The following CDKL1 variants were observed in gnomAD, a reference collection of about 807,000 sequenced individuals.
The protein encoded by CDKL1 is cyclin dependent kinase like 1, also known as cyclin-dependent kinase-like 1.
In CDKL1, 41 loss-of-function variants were observed where a neutral mutation model predicts 42.0. That is an observed-to-expected ratio of 0.98 (90% CI 0.76 to 1.27). The LOEUF is 1.27. CDKL1 is among the 50% of genes most tolerant of loss of function. CDKL1 has a pLI of 0.00. For synonymous variants in CDKL1, 153 were observed against 158.6 expected (o/e 0.96, Z 0.26); for missense variants, 394 against 428.4 (o/e 0.92, Z 0.71).
At position 50,330,126 on chromosome 14, in the gene CDKL1, T is replaced by G; in HGVS notation, c.1022A>C (p.Lys341Thr). ...GSSILPALDN[K>T]KYYCDTKKLN... ...TTTCTTGGTATCACAGTAGTACTTC[T>G]TATTATCCAAAGCTGGAAGGATGCT... The change falls in exon 10 of 10, where the codon AAG becomes ACG. Residue 341 changes from lysine to threonine, a missense_variant. Physicochemically the swap from Lys to Thr is moderately conservative, Grantham distance 78. Coordinates refer to ENST00000395834, the MANE Select transcript of CDKL1 (RefSeq NM_004196.7). 4 of 1,609,866 alleles carry G rather than the reference T, an allele frequency of 2.5e-6. No homozygotes were observed. Among genetic ancestry groups the G allele is most frequent in the Non-Finnish European group, 3.4e-6 (4 of 1,179,202 alleles).
At chr14:50,352,467 A>G (rs2033931439) in intron 3 of CDKL1, among the ~76,000 whole-genome samples, 2 of 152,340 alleles carry the variant, frequency 1.3e-5, no homozygotes, top group East Asian at 1.9e-4. Flanking sequence ...TATTTGTAGG[A>G]AAATTTTATA....
intron 2 of CDKL1, among the ~76,000 whole-genome samples, chr14:50,359,562 A>ATAAT (rs545582283): frequency 8.3e-4 from 127 of 152,248 alleles, no homozygotes; most frequent in African/African-American, 3.0e-3. Context: ...TAATTAATAA[A>ATAAT]TAATATGTAA....
At chr14:50,362,203 C>G in intron 2 of CDKL1, 1 of 271,972 alleles carries the variant, frequency 3.7e-6, no homozygotes, top group Admixed American at 5.5e-5. Flanking sequence ...TCCTGCGCGG[C>G]CGAGCCTCCA....
chr14:50,351,099 T>C (rs1201036140), intron 3 of CDKL1, among the ~76,000 whole-genome samples: 1 of 151,940 alleles, frequency 6.6e-6, no homozygotes, highest in Non-Finnish European at 1.5e-5. Context: ...GAGGGGGGTG[T>C]CATTTGAAAT....
At chr14:50,381,217 A>G (rs1251071899) in intron 2 of CDKL1, among the ~76,000 whole-genome samples, 1 of 152,186 alleles carries the variant, frequency 6.6e-6, no homozygotes, top group South Asian at 2.1e-4. Context: ...CCAGTTGTGT[A>G]CATGTGTCCA....
In CDKL1 at chr14:50,368,211, C is replaced by T. The variant is rs145067371; in HGVS notation, c.169-9062G>A. 9.2e-5 allele frequency among the ~76,000 whole-genome samples: 14 copies of T among 151,756 alleles called. 1 individual carries two copies. Among genetic ancestry groups the T allele is most frequent in the African/African-American group, 3.1e-4 (13 of 41,336 alleles). On this transcript the variant is annotated intron_variant, in intron 2 of 9. Coordinates refer to ENST00000395834, the MANE Select transcript of CDKL1 (RefSeq NM_004196.7). ...CTGGGCTCAAGCCAACCGCCCACCT[C>T]GTCCTCCCAAAATGCTGGGATTACA... is the stretch of plus-strand genomic sequence containing the variant.
At chr14:50,378,255 C>T in intron 2 of CDKL1, 1 of 1,366,498 alleles carries the variant, frequency 7.3e-7, no homozygotes, top group Non-Finnish European at 9.8e-7. Context: ...GATTCTACCC[C>T]ACCTCCTTCT....
chr14:50,368,866 C>CTTT (rs546628912), intron 2 of CDKL1, among the ~76,000 whole-genome samples: 2 of 131,046 alleles, frequency 1.5e-5, no homozygotes, highest in Non-Finnish European at 3.3e-5. Flanking sequence ...AGTTGCCAAC[C>CTTT]TTTTTTTTTT....
chr14:50,361,078 T>C (rs1186838721), intron 2 of CDKL1, among the ~76,000 whole-genome samples: 1 of 151,030 alleles, frequency 6.6e-6, no homozygotes, highest in Non-Finnish European at 1.5e-5. Flanking sequence ...GCATATGTTT[T>C]GTTTTGTTTC....
intron 2 of CDKL1, chr14:50,390,447 T>TG: frequency 7.9e-7 from 1 of 1,263,394 alleles, no homozygotes; most frequent in Non-Finnish European, 1.0e-6. Flanking sequence ...CATAGGGGCT[T>TG]GGGGCCTTAG....
At chr14:50,367,987 C>A (rs1429769974) in intron 2 of CDKL1, among the ~76,000 whole-genome samples, 1 of 152,166 alleles carries the variant, frequency 6.6e-6, no homozygotes, top group African/African-American at 2.4e-5. Context: ...GAAACAGGGT[C>A]TCACTCTGTC....
intron 7 of CDKL1, among the ~76,000 whole-genome samples, chr14:50,336,610 T>C (rs1236928074): frequency 6.6e-6 from 1 of 152,186 alleles, no homozygotes; most frequent in Non-Finnish European, 1.5e-5. Flanking sequence ...GAGACAGAAC[T>C]TCCATCTGAA....
chr14:50,342,036 G>A, intron 5 of CDKL1, 96 bp downstream of exon 5: 1 of 933,062 alleles, frequency 1.1e-6, no homozygotes, highest in African/African-American at 1.6e-5. Flanking sequence ...AAATATACAA[G>A]TACTATCTTG....
chr14:50,336,892 A>G (rs2033308759), intron 7 of CDKL1, among the ~76,000 whole-genome samples: 1 of 151,438 alleles, frequency 6.6e-6, no homozygotes, highest in Non-Finnish European at 1.5e-5. Context: ...GATTTCCCAG[A>G]TGTTGTCACA....
At chr14:50,367,776 G>T (rs11157740) in intron 2 of CDKL1, among the ~76,000 whole-genome samples, 64,586 of 151,962 alleles carry the variant, frequency 0.43, 13,851 homozygotes, top group East Asian at 0.61. Flanking sequence ...TAATCTTGAA[G>T]CTCTTGGTGC....
rs1057013064 is a variant in CDKL1, at chr14:50,382,415, C to T, written c.168+13286G>A. The stretch of plus-strand genomic sequence containing the variant: ...GCAGTGAGCTGAGATCGTGCCACTG[C>T]ACTCCAGCCTGGGCGACAGAGCAAG... On this transcript the variant is annotated intron_variant, in intron 2 of 9. Transcript: ENST00000395834. Among the ~76,000 whole-genome samples, 7 of 152,120 alleles carry T rather than the reference C, an allele frequency of 4.6e-5. 1 individual carries two copies. Among genetic ancestry groups the T allele is most frequent in the Admixed American group, 3.3e-4 (5 of 15,274 alleles).
At chr14:50,397,212 C>T (rs1033991319), upstream of CDKL1, 3 of 1,366,528 alleles carry the variant, frequency 2.2e-6, no homozygotes, top group African/African-American at 1.5e-5. Flanking sequence ...ACAGCAGTCC[C>T]CACACCTCAG....
intron 2 of CDKL1, among the ~76,000 whole-genome samples, chr14:50,385,131 G>A (rs2035040076): frequency 6.8e-6 from 1 of 147,584 alleles, no homozygotes; most frequent in Non-Finnish European, 1.5e-5. Flanking sequence ...GAAAGTTGTT[G>A]GGGAACAAGG....
In CDKL1 at chr14:50,342,154, G is replaced by A. The variant is rs774651021; in HGVS notation, c.432C>T (p.Asp144=). The change falls in exon 5 of 10, where the codon GAC becomes GAT. Residue 144 remains aspartate, a synonymous_variant. Coordinates refer to ENST00000395834, the MANE Select transcript of CDKL1 (RefSeq NM_004196.7). ...ITKHSVIKLC[D]FGFARLLTGP... ...CACTCAAAAGCCGAGCAAATCCAAAGTCACAAAGCTTAATCACGGAATGTT... is the reference window on the plus strand; with the variant it reads ...CACTCAAAAGCCGAGCAAATCCAAAATCACAAAGCTTAATCACGGAATGTT... 2 of 1,614,022 alleles carry A rather than the reference G, an allele frequency of 1.2e-6. No homozygotes were observed. The highest frequency in any genetic ancestry group is 2.2e-5 in the South Asian group (2 of 91,078).
Sources: gnomAD v4.1 joint callset for allele counts (sites outside exome capture counted in the v4.1 genomes callset) on GRCh38, gnomAD v4.1.1 for gene constraint, MANE v1.5 for transcripts, NCBI Gene and HGNC (gene_info 2026-07-23, HGNC 2026-07-21) for gene names.